Variants in FAM186A observed in about 807,000 individuals in gnomAD.
FAM186A encodes the protein family with sequence similarity 186 member A.
FAM186A carries 163 observed loss-of-function variants against 216.8 expected under a neutral mutation model. The ratio of observed to expected loss-of-function variants is 0.75; its 90% confidence interval spans 0.66 to 0.86. The LOEUF (loss-of-function observed/expected upper bound fraction) is 0.86. Among genes scored for constraint, FAM186A ranks in the 40% least tolerant of loss-of-function variants. The pLI, the probability that FAM186A is intolerant of heterozygous loss-of-function variation, is 0.00. For missense variants in FAM186A, 2,184 were observed against 2,746.2 expected, an observed-to-expected ratio of 0.80 and a Z score of 4.58; for synonymous variants, 805 against 1,025.3, an observed-to-expected ratio of 0.79 and a Z score of 4.10.
At chr12:50,392,976 G>C (rs1039114278) in intron 1 of FAM186A, among the ~76,000 whole-genome samples, 4 of 147,362 alleles carry the variant, frequency 2.7e-5, no homozygotes, top group African/African-American at 1.0e-4. Context: ...ACCCAGGCTG[G>C]AGTGCGGTGG....
chr12:50,354,219 C>T lies in FAM186A; in HGVS notation c.2613G>A (p.Lys871=). The T allele has an allele frequency of 6.4e-7, 1 of 1,551,650 alleles. No individual in the cohort carries two copies. Among genetic ancestry groups the T allele is most frequent in the South Asian group, 1.2e-5 (1 of 84,060 alleles). ...GGCTCTGTTGTTCTTGCTTTCCCTCCTTCATCTGGAGCCATGCCTTTTTTT... is the reference window on the plus strand; with the variant it reads ...GGCTCTGTTGTTCTTGCTTTCCCTCTTTCATCTGGAGCCATGCCTTTTTTT... ...WEEKKAWLQM[K]EGKQEQQSQK... Residue 871 remains lysine, a synonymous_variant, in exon 4 of 8, where the codon AAG becomes AAA. Transcript: ENST00000327337.
At chr12:50,331,919 C>G in intron 5 of FAM186A, 98 bp from the exon 6 acceptor site, 2 of 1,040,772 alleles carry the variant, frequency 1.9e-6, no homozygotes, top group East Asian at 2.8e-5. Context: ...TGTGACTCCT[C>G]CTTTTCCATG....
At chr12:50,345,061 G>A (rs552798600) in intron 4 of FAM186A, among the ~76,000 whole-genome samples, 4 of 152,222 alleles carry the variant, frequency 2.6e-5, no homozygotes, top group African/African-American at 9.6e-5. Flanking sequence ...AGACCAGCCT[G>A]ACCAATATGA....
chr12:50,368,387 A>G (rs991780722), intron 1 of FAM186A, among the ~76,000 whole-genome samples: 8 of 152,030 alleles, frequency 5.3e-5, no homozygotes, highest in Non-Finnish European at 1.0e-4. Context: ...GCAACAGAGC[A>G]AGACTCTGTC....
In FAM186A at chr12:50,334,084, G is replaced by A; in HGVS notation, c.6523C>T (p.Leu2175=). 2 of 1,547,168 alleles carry A rather than the reference G, an allele frequency of 1.3e-6. No homozygotes were observed. Among genetic ancestry groups the A allele is most frequent in the Non-Finnish European group, 1.7e-6 (2 of 1,145,776 alleles). The part of the protein sequence containing the change: ...QHARNNIMKR[L]KAIQNTGKGY... ...TTCCCAGTATTTTGGATGGCTTTTA[G>A]TCGTTTCATTATGTTGTTCCTTGAA... Residue 2175 remains leucine, a synonymous_variant, in exon 5 of 8, where the codon CTA becomes TTA. Coordinates refer to ENST00000327337, the MANE Select transcript of FAM186A (RefSeq NM_001145475.3).
At chr12:50,348,629 G>A (rs1320197218) in intron 4 of FAM186A, among the ~76,000 whole-genome samples, 8 of 151,822 alleles carry the variant, frequency 5.3e-5, no homozygotes, top group Middle Eastern at 3.4e-3. Flanking sequence ...GCTCAATCTC[G>A]GCTCACTGCA....
At chr12:50,360,720 A>G (rs1237036566) in intron 3 of FAM186A, 36 bp downstream of exon 3, 2 of 1,473,736 alleles carry the variant, frequency 1.4e-6, no homozygotes, top group East Asian at 2.5e-5. Flanking sequence ...GTCAAACTCC[A>G]TCTACTCCAA....
Position 50,355,892 on chromosome 12 carries a change from C to T in FAM186A, c.940G>A (p.Glu314Lys). 1.5e-5 allele frequency: 23 copies of T among 1,551,378 alleles called. No homozygotes were observed. The highest frequency in any genetic ancestry group is 1.8e-5 in the Non-Finnish European group (21 of 1,146,960). ...TCTTGAAGTTTCTGCTGAAGCATTT[C>T]ATTTTCGTTACTGAGATCTCGTATT... is the stretch of plus-strand genomic sequence containing the variant. The part of the protein sequence containing the change: ...KIIRDLSNEN[E>K]MLQQKLQDAE... Residue 314 changes from glutamate to lysine, a missense_variant, in exon 4 of 8, where the codon GAA becomes AAA. This residue lies in a region of FAM186A where 1,132 missense variants were observed against 1,263.4 expected (regional missense o/e 0.90). Transcript: ENST00000327337.
At chr12:50,379,196 T>C (rs1009230972) in intron 1 of FAM186A, among the ~76,000 whole-genome samples, 4 of 151,954 alleles carry the variant, frequency 2.6e-5, no homozygotes, top group African/African-American at 9.7e-5. Flanking sequence ...ATCCCAGCAC[T>C]TTGGGAGGCC....
At chr12:50,373,807 A>G in intron 1 of FAM186A, among the ~76,000 whole-genome samples, 1 of 152,256 alleles carries the variant, frequency 6.6e-6, no homozygotes, top group East Asian at 1.9e-4. Context: ...CTGGGTATAT[A>G]CCCAAGGGAT....
chr12:50,375,430 TCCC>T (rs1943187819), intron 1 of FAM186A, among the ~76,000 whole-genome samples: 1 of 150,298 alleles, frequency 6.7e-6, no homozygotes, highest in Middle Eastern at 3.2e-3. Context: ...ACACCTATAA[TCCC>T]AGCTACTTAG....
chr12:50,332,361 C>T (rs562049394), intron 5 of FAM186A, among the ~76,000 whole-genome samples: 7 of 152,372 alleles, frequency 4.6e-5, no homozygotes, highest in Admixed American at 3.9e-4. Flanking sequence ...ATGTAAGCGG[C>T]TTGCATAAAG....
chr12:50,384,010 C>T (rs1348608526), intron 1 of FAM186A, among the ~76,000 whole-genome samples: 1 of 151,950 alleles, frequency 6.6e-6, no homozygotes, highest in African/African-American at 2.4e-5. Context: ...CCCAGCTACT[C>T]ACGAGGCTGA....
At position 50,355,558 on chromosome 12, in the gene FAM186A, A is replaced by G. The variant is rs1350608243; in HGVS notation, c.1274T>C (p.Val425Ala). Residue 425 changes from valine to alanine, a missense_variant, in exon 4 of 8, where the codon GTT becomes GCT. Transcript: ENST00000327337. ...GTCTTCGGAAATATCTTCAGAAGCA[A>G]CAGGTTGCTGTCGTAGTTCAGTTAA... ...PDLTELRQQP[V>A]ASEDISEDST... 2 of 1,551,538 alleles carry G rather than the reference A, an allele frequency of 1.3e-6. No individual in the cohort carries two copies. The highest frequency in any genetic ancestry group is 3.9e-5 in the Admixed American group (2 of 50,974).
intron 1 of FAM186A, among the ~76,000 whole-genome samples, chr12:50,390,052 T>C (rs907967372): frequency 6.6e-6 from 1 of 152,170 alleles, no homozygotes; most frequent in African/African-American, 2.4e-5. Context: ...TGAGTATGTA[T>C]ATTCCAATTA....
rs556454317 is a variant in FAM186A, at chr12:50,349,257, G to A, written c.6503+1072C>T. Among the ~76,000 whole-genome samples, 3 of 150,692 alleles carry A rather than the reference G, an allele frequency of 2.0e-5. No homozygotes were observed. In the East Asian group the frequency reaches 5.9e-4, roughly 29 times the overall value. On this transcript the variant is annotated intron_variant, in intron 4 of 7. Transcript: ENST00000327337. ...GACTGGGTCTTGCTCTGTCACCCAG[G>A]CTGGAGTGCAGTGGCGCGATCTTGG...
At chr12:50,356,336 A>C (rs1408245207) in intron 3 of FAM186A, 88 bp from the exon 4 acceptor site, 1 of 1,038,126 alleles carries the variant, frequency 9.6e-7, no homozygotes, top group African/African-American at 1.6e-5. Context: ...AATTTAGCCT[A>C]GATTAACTAT....
Position 50,355,161 on chromosome 12 carries a change from G to A in FAM186A, c.1671C>T (p.Asp557=). The A allele has an allele frequency of 6.4e-7, 1 of 1,551,620 alleles. No homozygotes were observed. The highest frequency in any genetic ancestry group is 8.7e-7 in the Non-Finnish European group (1 of 1,146,992). Residue 557 remains aspartate (D), a synonymous_variant, in exon 4 of 8, where the codon GAC becomes GAT. Coordinates refer to ENST00000327337, the MANE Select transcript of FAM186A (RefSeq NM_001145475.3). The part of the protein sequence containing the change: ...FRKVKRESPF[D]KRPTAAEIKV... ...TAATCTCTGCTGCAGTTGGACGTTT[G>A]TCAAATGGAGATTCACGTTTGACCT...
chr12:50,367,470 CTG>C (rs1183978946), intron 1 of FAM186A, among the ~76,000 whole-genome samples: 1 of 139,028 alleles, frequency 7.2e-6, no homozygotes, highest in Non-Finnish European at 1.5e-5. Flanking sequence ...TGAGCTGAGA[CTG>C]TGCCACTGCA....
Sources: gnomAD v4.1 joint callset for allele counts (sites outside exome capture counted in the v4.1 genomes callset) on GRCh38, gnomAD v4.1.1 for gene constraint, gnomAD v4.1.1 regional missense constraint, MANE v1.5 for transcripts, NCBI Gene and HGNC (gene_info 2026-07-23, HGNC 2026-07-21) for gene names.